SPRING1: variants seen among roughly 807,000 people sequenced by gnomAD.
SPRING1 encodes the protein SREBF pathway regulator in golgi 1, also known as SREBP regulating gene protein.
A neutral mutation model predicts 24.7 loss-of-function variants in SPRING1; 14 were observed. That is an observed-to-expected ratio of 0.57 (90% confidence interval 0.37 to 0.88). The LOEUF (loss-of-function observed/expected upper bound fraction) is 0.88, where lower values mean the gene tolerates loss of function less well. Among genes scored for constraint, SPRING1 ranks in the 40% least tolerant of loss-of-function variants. SPRING1 has a pLI of 0.00. For missense variants in SPRING1, 255 were observed against 268.4 expected, an observed-to-expected ratio of 0.95 and a Z score of 0.35; for synonymous variants, 93 against 106.1, an observed-to-expected ratio of 0.88 and a Z score of 0.76.
rs750405591 is a variant in SPRING1 at position 116,738,003 on chromosome 12, C to A, written c.-103G>T. On this transcript the variant is annotated 5_prime_UTR_variant, in exon 1 of 5. Transcript: ENST00000261318. ...CGCCCGGCAGCCCCATCCCTCCAGG[C>A]AGGCGCCGGCCCCGCCGCCCGCAGC... The A allele has an allele frequency of 4.7e-5, 54 of 1,140,784 alleles. No homozygotes were observed. Among genetic ancestry groups the A allele is most frequent in the Middle Eastern group, 3.7e-4 (1 of 2,676 alleles). 70.7% of individuals were successfully genotyped at this position (1,140,784 alleles called of 1,614,324 possible).
rs961827825 is a variant in SPRING1, at chr12:116,713,765, A to G, written c.*4045T>C. ...ACACAAATGCATTACACAGGCCTCT[A>G]TGTAACATAGGATATTCATTAGAGA... is the stretch of plus-strand genomic sequence containing the variant. On this transcript the variant is annotated 3_prime_UTR_variant, in exon 5 of 5. Coordinates refer to ENST00000261318, the MANE Select transcript of SPRING1 (RefSeq NM_024738.4). 1.3e-5 allele frequency: 2 copies of G among 152,222 alleles called. No homozygotes were observed. Among genetic ancestry groups the G allele is most frequent in the African/African-American group, 4.8e-5 (2 of 41,464 alleles). 9.4% of individuals were successfully genotyped at this position (152,222 alleles called of 1,614,324 possible).
At chr12:116,734,659 T>C (rs945361850) in intron 1 of SPRING1, among the ~76,000 whole-genome samples, 1 of 152,134 alleles carries the variant, frequency 6.6e-6, no homozygotes. Flanking sequence ...AAGAATATTA[T>C]AGTCTAGAAG....
chr12:116,719,018 A>C (rs1258530887), intron 4 of SPRING1, among the ~76,000 whole-genome samples: 1 of 152,258 alleles, frequency 6.6e-6, no homozygotes, highest in Non-Finnish European at 1.5e-5. Context: ...ATGACAAATG[A>C]GTCCGTTATC....
At position 116,720,608 on chromosome 12, in the gene SPRING1, G is replaced by T. The variant is rs1339484514; in HGVS notation, c.269-161C>A. ...GGAAACTGGACATAATGTGAGTGGG[G>T]CTTACTTTCCCCAGGCAGTCGTTTC... On this transcript the variant is annotated intron_variant, in intron 2 of 4. Transcript: ENST00000261318. This position sits in a 1 kb window ranked among gnomAD's most constrained non-coding sequence, Gnocchi z 4.0. Among the ~76,000 whole-genome samples, 2 of 151,958 alleles carry T rather than the reference G, an allele frequency of 1.3e-5. No individual in the cohort carries two copies. The highest frequency in any genetic ancestry group is 4.8e-5 in the African/African-American group (2 of 41,344).
rs528532509 is a variant in SPRING1 at position 116,715,464 on chromosome 12, A to T, written c.*2346T>A. On this transcript the variant is annotated 3_prime_UTR_variant, in exon 5 of 5. Transcript: ENST00000261318. ...GCCAGGTGCTCTGCAGCCCAGCTTC[A>T]TTATGGAGGCTCAAGCGCTGTGAAT... 1.3e-5 allele frequency: 2 copies of T among 152,352 alleles called. No individual in the cohort carries two copies. Among genetic ancestry groups the T allele is most frequent in the Admixed American group, 6.5e-5 (1 of 15,304 alleles). The allele number at this position is 152,352 out of a possible 1,614,324, so 9.4% of individuals were successfully genotyped here.
In SPRING1 at chr12:116,715,785, T is replaced by C. The variant is rs1161576675; in HGVS notation, c.*2025A>G. The stretch of plus-strand genomic sequence containing the variant: ...ACCCAGGAAGTCACTCCACCTCTCA[T>C]AGTTCCTCATCCACAAAGTGGAAAT... On this transcript the variant is annotated 3_prime_UTR_variant, in exon 5 of 5. Coordinates refer to ENST00000261318, the MANE Select transcript of SPRING1 (RefSeq NM_024738.4). 6.6e-6 allele frequency: 1 copy of C among 152,170 alleles called. No homozygotes were observed. Among genetic ancestry groups the C allele is most frequent in the African/African-American group, 2.4e-5 (1 of 41,450 alleles). The allele number at this position is 152,170 out of a possible 1,614,324, so 9.4% of individuals were successfully genotyped here.
intron 1 of SPRING1, among the ~76,000 whole-genome samples, chr12:116,733,362 T>TTTTTTTTTTTTTTTTTGAGA (rs1473070550): frequency 6.8e-6 from 1 of 146,606 alleles, no homozygotes; most frequent in African/African-American, 2.7e-5. Flanking sequence ...TTTTGTATTT[T>TTTTTTTTTTTTTTTTTGAGA]CAGTAGAGAC....
At position 116,714,960 on chromosome 12, in the gene SPRING1, C is replaced by G. The variant is rs527463880; in HGVS notation, c.*2850G>C. ...ATCTTTACAACTCCAGCAAGCGCAGCAAATAAGATGCAGAACTGGGGGAGA... is the reference window on the plus strand; with the variant it reads ...ATCTTTACAACTCCAGCAAGCGCAGGAAATAAGATGCAGAACTGGGGGAGA... On this transcript the variant is annotated 3_prime_UTR_variant, in exon 5 of 5. Transcript: ENST00000261318. The G allele has an allele frequency of 1.3e-5, 2 of 152,198 alleles. No homozygotes were observed. Among genetic ancestry groups the G allele is most frequent in the African/African-American group, 4.8e-5 (2 of 41,514 alleles). 9.4% of individuals were successfully genotyped at this position (152,198 alleles called of 1,614,324 possible). A position where few individuals can be genotyped will look rare whatever the true frequency, so the allele number is the denominator to read the frequency against.
intron 2 of SPRING1, among the ~76,000 whole-genome samples, chr12:116,722,650 T>C (rs1407178157): frequency 1.3e-5 from 2 of 152,262 alleles, no homozygotes; most frequent in African/African-American, 4.8e-5. Flanking sequence ...AGTACATTTC[T>C]TGAGTGTCAA....
rs947312218 is a variant in SPRING1, at chr12:116,737,455, G to A, written c.111+335C>T. 2.0e-4 allele frequency among the ~76,000 whole-genome samples: 30 copies of A among 149,250 alleles called. 1 individual carries two copies. The highest frequency in any genetic ancestry group is 1.9e-4 in the Non-Finnish European group (13 of 67,316). On this transcript the variant is annotated intron_variant, in intron 1 of 4. Coordinates refer to ENST00000261318, the MANE Select transcript of SPRING1 (RefSeq NM_024738.4). ...AAGGAGGAAGGGAAGGAAGAAAGAC[G>A]GAAGGGAAGGGAGAGGAAAAAGGGG...
In SPRING1 at chr12:116,720,944, A is replaced by T. The variant is rs918982542; in HGVS notation, c.269-497T>A. 2.6e-5 allele frequency among the ~76,000 whole-genome samples: 4 copies of T among 152,228 alleles called. No homozygotes were observed. The highest frequency in any genetic ancestry group is 5.9e-5 in the Non-Finnish European group (4 of 68,032). ...GCTCGCTGCATACTGACTAATTTGGAGATTACAAAAATAGAAATATTCACA... is the reference window on the plus strand; with the variant it reads ...GCTCGCTGCATACTGACTAATTTGGTGATTACAAAAATAGAAATATTCACA... On this transcript the variant is annotated intron_variant, in intron 2 of 4. Transcript: ENST00000261318. The surrounding 1 kb of genome is among the most constrained non-coding windows in gnomAD (Gnocchi z 4.0).
At chr12:116,727,306 A>T (rs1291852270) in intron 1 of SPRING1, among the ~76,000 whole-genome samples, 1 of 152,266 alleles carries the variant, frequency 6.6e-6, no homozygotes, top group Admixed American at 6.5e-5. Flanking sequence ...GGCACTGCAG[A>T]TGCTGTGACA....
rs1044578912 is a variant in SPRING1, at chr12:116,738,039, C to T, written c.-139G>A. On this transcript the variant is annotated 5_prime_UTR_variant, in exon 1 of 5. Coordinates refer to ENST00000261318, the MANE Select transcript of SPRING1 (RefSeq NM_024738.4). ...CCCGCCGCCCGCAGCCCAGTCTGCT[C>T]CCGGCAGCCTTGGGCGCAGCCCCAC... The T allele has an allele frequency of 2.3e-5, 25 of 1,095,870 alleles. No homozygotes were observed. In the African/African-American group the frequency reaches 4.0e-4, roughly 18 times the overall value. The allele number at this position is 1,095,870 out of a possible 1,614,324, so 67.9% of individuals were successfully genotyped here. A position where few individuals can be genotyped will look rare whatever the true frequency, so the allele number is the denominator to read the frequency against.
Position 116,737,882 on chromosome 12 carries a change from T to A in SPRING1, c.19A>T (p.Met7Leu). 6.4e-7 allele frequency: 1 copy of A among 1,567,160 alleles called. No individual in the cohort carries two copies. The highest frequency in any genetic ancestry group is 8.6e-7 in the Non-Finnish European group (1 of 1,158,380). The part of the protein sequence containing the change: MVNLAA[M>L]VWRRLLRKRW... ...TTCCGCAGAAGCCGGCGCCACACCATGGCCGCCAGGTTCACCATCCCGGCG... is the reference window on the plus strand; with the variant it reads ...TTCCGCAGAAGCCGGCGCCACACCAAGGCCGCCAGGTTCACCATCCCGGCG... Residue 7 changes from methionine to leucine, a missense_variant, in exon 1 of 5, where the codon ATG becomes TTG. Physicochemically the swap from Met to Leu is conservative, Grantham distance 15. Coordinates refer to ENST00000261318, the MANE Select transcript of SPRING1 (RefSeq NM_024738.4).
chr12:116,723,855 G>A (rs1162160150), intron 1 of SPRING1, among the ~76,000 whole-genome samples: 3 of 152,120 alleles, frequency 2.0e-5, no homozygotes, highest in African/African-American at 4.8e-5. Context: ...CCCTCTACCC[G>A]GACAAGCAAT....
chr12:116,731,071 C>T (rs374145491), intron 1 of SPRING1, among the ~76,000 whole-genome samples: 7 of 152,224 alleles, frequency 4.6e-5, no homozygotes, highest in African/African-American at 1.2e-4. Flanking sequence ...GTAGGCAGAA[C>T]GTACTGTTAG....
intron 4 of SPRING1, among the ~76,000 whole-genome samples, chr12:116,719,157 G>A (rs1006745217): frequency 1.3e-5 from 2 of 152,236 alleles, no homozygotes; most frequent in Non-Finnish European, 2.9e-5. Flanking sequence ...ATAGCTGAGA[G>A]CCGAGGAGAC....
At chr12:116,724,374 T>C (rs573007141) in intron 1 of SPRING1, among the ~76,000 whole-genome samples, 18 of 152,300 alleles carry the variant, frequency 1.2e-4, no homozygotes, top group African/African-American at 4.1e-4. Context: ...CACCAATGTA[T>C]AGGGAAATAC....
rs1310649358 is a variant in SPRING1, at chr12:116,717,543, C to G, written c.*267G>C. On this transcript the variant is annotated 3_prime_UTR_variant, in exon 5 of 5. Transcript: ENST00000261318. This position sits in a 1 kb window ranked among gnomAD's most constrained non-coding sequence, Gnocchi z 4.2. ...GCTGAGTCATCCAAGAACTCCACCA[C>G]CACCGTGAGCCCGGCCTCCGGTTTC... 5.6e-6 allele frequency: 2 copies of G among 355,066 alleles called. No individual in the cohort carries two copies. Among genetic ancestry groups the G allele is most frequent in the Non-Finnish European group, 1.0e-5 (2 of 193,778 alleles). The allele number at this position is 355,066 out of a possible 1,614,324, so 22.0% of individuals were successfully genotyped here.
Sources: gnomAD v4.1 joint callset for allele counts (sites outside exome capture counted in the v4.1 genomes callset) on GRCh38, gnomAD v4.1.1 for gene constraint, Gnocchi (gnomAD v3.1) non-coding constraint, MANE v1.5 for transcripts, NCBI Gene and HGNC (gene_info 2026-07-23, HGNC 2026-07-21) for gene names.